The following CSGALNACT1 variants were observed in gnomAD, a reference collection of about 807,000 sequenced individuals.
The protein encoded by CSGALNACT1 is beta4GalNAcT-1.
A neutral mutation model predicts 51.0 loss-of-function variants in CSGALNACT1; 52 were observed. The observed-to-expected ratio is 1.02, with a 90% confidence interval of 0.82 to 1.29. CSGALNACT1 has a LOEUF of 1.29. Among genes scored for constraint, CSGALNACT1 ranks in the 50% most tolerant of loss-of-function variants. The probability of loss-of-function intolerance (pLI) is 0.00; values close to 1 mark genes in which losing one functional copy is unlikely to be tolerated. For synonymous variants in CSGALNACT1, 341 were observed against 254.4 expected, an observed-to-expected ratio of 1.34 and a Z score of -3.24; for missense variants, 935 against 679.2, an observed-to-expected ratio of 1.38 and a Z score of -4.19.
At chr8:19,467,016 C>A (rs1486365845) in intron 4 of CSGALNACT1, among the ~76,000 whole-genome samples, 1 of 151,526 alleles carries the variant, frequency 6.6e-6, no homozygotes, top group Non-Finnish European at 1.5e-5. Context: ...TAGATGCAGG[C>A]TGACAAATCC....
At chr8:19,601,787 G>A (rs1232775064) in exon 2 of CSGALNACT1, 4 of 453,514 alleles carry the variant, frequency 8.8e-6, no homozygotes, top group Non-Finnish European at 1.8e-5. Flanking sequence ...GTTCAAGAAG[G>A]GAAGGTTAGG....
intron 8 of CSGALNACT1, among the ~76,000 whole-genome samples, chr8:19,413,339 C>A (rs1468883864): frequency 6.6e-6 from 1 of 152,126 alleles, no homozygotes; most frequent in African/African-American, 2.4e-5. Context: ...GTGTGGCACT[C>A]GAGTTCTCAC....
chr8:19,755,439 C>T (rs2065292817), intron 1 of CSGALNACT1, among the ~76,000 whole-genome samples: 2 of 72,236 alleles, frequency 2.8e-5, no homozygotes, highest in African/African-American at 4.6e-5. Flanking sequence ...TTGGGGATCC[C>T]TAAATGTAAA....
intron 6 of CSGALNACT1, among the ~76,000 whole-genome samples, chr8:19,435,357 G>T (rs907113174): frequency 6.6e-6 from 1 of 152,100 alleles, no homozygotes; most frequent in Non-Finnish European, 1.5e-5. Flanking sequence ...GCTGGGTGTG[G>T]TGGCGTGCGC....
intron 1 of CSGALNACT1, among the ~76,000 whole-genome samples, chr8:19,720,192 C>A (rs1432612106): frequency 1.3e-5 from 2 of 152,220 alleles, no homozygotes; most frequent in African/African-American, 4.8e-5. Context: ...AGAAGTGAAA[C>A]CCCGCAATTC....
At chr8:19,467,499 C>T (rs1013297541) in intron 4 of CSGALNACT1, among the ~76,000 whole-genome samples, 2 of 152,122 alleles carry the variant, frequency 1.3e-5, no homozygotes, top group African/African-American at 2.4e-5. Flanking sequence ...CTCATGAAGA[C>T]CATCAGGCAA....
At chr8:19,628,301 T>A (rs1271521580) in intron 1 of CSGALNACT1, among the ~76,000 whole-genome samples, 2 of 152,130 alleles carry the variant, frequency 1.3e-5, no homozygotes, top group Non-Finnish European at 2.9e-5. Flanking sequence ...AAGGTACATC[T>A]TACATGGTGG....
Position 19,513,436 on chromosome 8 carries a change from C to CTCTCTATATATATA in CSGALNACT1, c.-296-7307_-296-7306insTATATATATAGAGA. On this transcript the variant is annotated intron_variant, in intron 3 of 9. Transcript: ENST00000454498. Reference sequence around the variant, plus strand: ...TCTCACTCTCTCTCTCTCTCTCTCTCTATATATATATATATATATATATAT... The same window carrying CTCTCTATATATATA: ...TCTCACTCTCTCTCTCTCTCTCTCTCTCTCTATATATATATATATATATATATATATATATATAT... 7.0e-3 allele frequency among the ~76,000 whole-genome samples: 571 copies of CTCTCTATATATATA among 81,862 alleles called. 6 individuals carry two copies. The highest frequency in any genetic ancestry group is 0.013 in the East Asian group (17 of 1,260). The allele number at this position is 81,862 out of a possible 152,430, so 53.7% of individuals were successfully genotyped here.
chr8:19,654,399 A>T lies in CSGALNACT1; in HGVS notation c.-544+28074T>A, dbSNP rs1017860407. ...AGTCTGAATGTGTGTGACGCACTGG[A>T]AAGAGAAAAGCTTTCGAATCAGGTG... On this transcript the variant is annotated intron_variant, in intron 1 of 9. Transcript: ENST00000332246. Among the ~76,000 whole-genome samples, 8 of 152,304 alleles carry T rather than the reference A, an allele frequency of 5.3e-5. No individual in the cohort carries two copies. In the South Asian group the frequency reaches 1.7e-3, roughly 32 times the overall value.
At chr8:19,432,333 G>A (rs2059763760) in intron 6 of CSGALNACT1, among the ~76,000 whole-genome samples, 1 of 152,110 alleles carries the variant, frequency 6.6e-6, no homozygotes. Context: ...ATCTTATCAA[G>A]GATCCATTGT....
intron 5 of CSGALNACT1, among the ~76,000 whole-genome samples, chr8:19,441,004 C>A (rs2061246544): frequency 6.6e-6 from 1 of 152,194 alleles, no homozygotes; most frequent in South Asian, 2.1e-4. Context: ...AGGAATCCAA[C>A]TTACAAGGAA....
intron 3 of CSGALNACT1, among the ~76,000 whole-genome samples, chr8:19,580,316 G>A (rs541809009): frequency 6.6e-6 from 1 of 152,294 alleles, no homozygotes; most frequent in African/African-American, 2.4e-5. Flanking sequence ...TAAACAGAAA[G>A]CTTCTGCTAA....
At chr8:19,670,117 T>C (rs1340210479) in intron 1 of CSGALNACT1, among the ~76,000 whole-genome samples, 1 of 152,218 alleles carries the variant, frequency 6.6e-6, no homozygotes, top group Non-Finnish European at 1.5e-5. Context: ...CCAGATCGCA[T>C]GCAACTTCTT....
At chr8:19,653,786 A>G (rs1589285471) in intron 1 of CSGALNACT1, among the ~76,000 whole-genome samples, 1 of 134,010 alleles carries the variant, frequency 7.5e-6, no homozygotes, top group Non-Finnish European at 1.7e-5. Flanking sequence ...TGAATGAATG[A>G]TACCTTGTCT....
intron 6 of CSGALNACT1, among the ~76,000 whole-genome samples, chr8:19,432,871 G>A (rs1210884753): frequency 2.0e-5 from 3 of 151,840 alleles, no homozygotes; most frequent in South Asian, 4.2e-4. Flanking sequence ...TTACTTTTGT[G>A]AATATACTTA....
chr8:19,666,760 G>GAAAGAAAGA (rs1554794191), intron 1 of CSGALNACT1, among the ~76,000 whole-genome samples: 5 of 56,632 alleles, frequency 8.8e-5, no homozygotes, highest in South Asian at 6.7e-4. Context: ...AAGAAAGAAA[G>GAAAGAAAGA]AAGAAAGAAA....
At chr8:19,410,887 C>T (rs952099271) in intron 8 of CSGALNACT1, among the ~76,000 whole-genome samples, 1 of 152,204 alleles carries the variant, frequency 6.6e-6, no homozygotes, top group African/African-American at 2.4e-5. Flanking sequence ...GTTCCACCAC[C>T]CACAGCTGTG....
At chr8:19,474,942 T>C (rs866969621) in intron 4 of CSGALNACT1, among the ~76,000 whole-genome samples, 1 of 133,762 alleles carries the variant, frequency 7.5e-6, no homozygotes, top group Non-Finnish European at 1.6e-5. Flanking sequence ...TATACAAAGA[T>C]GAATAAAAAC....
chr8:19,612,860 G>A (rs760367218), intron 1 of CSGALNACT1, among the ~76,000 whole-genome samples: 3 of 143,346 alleles, frequency 2.1e-5, no homozygotes, highest in African/African-American at 5.1e-5. Context: ...AAAAGCGAGA[G>A]AGCAACTAAA....
Sources: gnomAD v4.1 joint callset for allele counts (sites outside exome capture counted in the v4.1 genomes callset) on GRCh38, gnomAD v4.1.1 for gene constraint, MANE v1.5 for transcripts, NCBI Gene and HGNC (gene_info 2026-07-23, HGNC 2026-07-21) for gene names.